PACS1: variants seen among roughly 807,000 people sequenced by gnomAD.
The protein encoded by PACS1 is PACS-1.
A neutral mutation model predicts 115.0 loss-of-function variants in PACS1; 24 were observed. The observed-to-expected ratio is 0.21, with a 90% CI of 0.15 to 0.29. PACS1 has a LOEUF of 0.29. Ranked by LOEUF, PACS1 falls within the 10% of genes least tolerant of loss-of-function variation. The pLI, the probability that PACS1 is intolerant of heterozygous loss-of-function variation, is 1.00. For synonymous variants in PACS1, 453 were observed against 504.5 expected (o/e 0.90, Z 1.37); for missense variants, 838 against 1,251.2 (o/e 0.67, Z 4.98).
chr11:66,098,716 G>A (rs537497), intron 1 of PACS1, among the ~76,000 whole-genome samples: 70,417 of 151,926 alleles, frequency 0.46, 17,914 homozygotes, highest in South Asian at 0.63. Context: ...AGCTGTCAGC[G>A]TCTCTTCACA....
intron 1 of PACS1, among the ~76,000 whole-genome samples, chr11:66,081,621 C>T (rs1260637126): frequency 2.0e-5 from 3 of 152,144 alleles, no homozygotes; most frequent in Admixed American, 2.0e-4. Context: ...GTGGCTGGGT[C>T]GGGATCCTGT....
chr11:66,118,635 A>T (rs148073541), intron 1 of PACS1, among the ~76,000 whole-genome samples: 19 of 151,172 alleles, frequency 1.3e-4, no homozygotes, highest in African/African-American at 4.6e-4. Context: ...AATAAAAAGG[A>T]TATTTTCTAG....
At chr11:66,238,171 C>T (rs758958255) in intron 19 of PACS1, 48 of 985,248 alleles carry the variant, frequency 4.9e-5, no homozygotes, top group Admixed American at 1.2e-4. Context: ...AGAACCCCCC[C>T]ACCCCCATTC....
At position 66,129,431 on chromosome 11, in the gene PACS1, CA is replaced by C. The variant is rs71455706; in HGVS notation, c.356+58601del. ...TGGGTGACAGAGCAAGACTCCATAT[CA>C]AAAAAAAAAAAGGGTTTAAAAAATA... On this transcript the variant is annotated intron_variant, in intron 1 of 23. Transcript: ENST00000320580. Among the ~76,000 whole-genome samples, 680 of 114,404 alleles carry C rather than the reference CA, an allele frequency of 5.9e-3. 3 individuals carry two copies. Among genetic ancestry groups the C allele is most frequent in the African/African-American group, 0.015 (458 of 31,008 alleles). The allele number at this position is 114,404 out of a possible 152,430, so 75.1% of individuals were successfully genotyped here.
At chr11:66,195,079 C>G (rs2134676099) in intron 2 of PACS1, among the ~76,000 whole-genome samples, 1 of 152,150 alleles carries the variant, frequency 6.6e-6, no homozygotes. Context: ...CAAAAATTAG[C>G]CAGGCGTGCA....
intron 2 of PACS1, among the ~76,000 whole-genome samples, chr11:66,209,267 C>T (rs781072273): frequency 3.3e-5 from 5 of 151,590 alleles, no homozygotes; most frequent in Admixed American, 6.6e-5. Flanking sequence ...GACAGTATGC[C>T]TGGGGAGTCA....
At chr11:66,173,840 G>A (rs1175032464) in intron 1 of PACS1, among the ~76,000 whole-genome samples, 3 of 151,800 alleles carry the variant, frequency 2.0e-5, no homozygotes, top group Non-Finnish European at 4.4e-5. Flanking sequence ...AACACCTAAG[G>A]TCAGGAGTTC....
At position 66,238,365 on chromosome 11, in the gene PACS1, A is replaced by T. The variant is rs548905520; in HGVS notation, c.2251-439A>T. On this transcript the variant is annotated intron_variant, in intron 19 of 23. Coordinates refer to ENST00000320580, the MANE Select transcript of PACS1 (RefSeq NM_018026.4). ...CAGTGATTCCTGCCTTCAGCCCTTT[A>T]TCCCCAGAGAAGAGCTGCAAAGTCT... The T allele has an allele frequency of 4.7e-5, 46 of 983,558 alleles. No individual in the cohort carries two copies. The Middle Eastern group carries it at 2.1e-3, about 45-fold the overall frequency. 60.9% of individuals were successfully genotyped at this position (983,558 alleles called of 1,614,324 possible).
At chr11:66,073,626 T>C (rs1857348191) in intron 1 of PACS1, among the ~76,000 whole-genome samples, 1 of 152,250 alleles carries the variant, frequency 6.6e-6, no homozygotes, top group South Asian at 2.1e-4. Context: ...TGTCTGCTCT[T>C]ATTTAACATC....
At chr11:66,132,286 G>T (rs60415438) in intron 1 of PACS1, among the ~76,000 whole-genome samples, 1 of 152,124 alleles carries the variant, frequency 6.6e-6, no homozygotes, top group Admixed American at 6.6e-5. Context: ...ATGTGAGACA[G>T]TCCATGCTTG....
Position 66,238,784 on chromosome 11 carries a change from T to G in PACS1, c.2251-20T>G. The G allele has an allele frequency of 6.3e-7, 1 of 1,579,372 alleles. No individual in the cohort carries two copies. The highest frequency in any genetic ancestry group is 2.3e-5 in the East Asian group (1 of 43,784). ...TGCTTTAACAGGAGGATCTAATGAG[T>G]GCCTCTTCTCTCCTTGCAGGTGGTG... On this transcript the variant is annotated intron_variant, in intron 19 of 23. Coordinates refer to ENST00000320580, the MANE Select transcript of PACS1 (RefSeq NM_018026.4).
intron 1 of PACS1, among the ~76,000 whole-genome samples, chr11:66,150,040 C>G (rs995469518): frequency 1.3e-5 from 2 of 152,150 alleles, no homozygotes; most frequent in Admixed American, 6.5e-5. Flanking sequence ...TGAGCCACCA[C>G]GCTCGGCCAA....
Position 66,215,941 on chromosome 11 carries a change from TAATAATAATAAAC to T in PACS1, c.661-175_661-163del, listed in dbSNP as rs1390030298. ...ATAATAATAATAATAATAATAATAA[TAATAATAATAAAC>T]AAAGTAAGACCGTGAAGCAGTAGGA... On this transcript the variant is annotated intron_variant, in intron 4 of 23. Transcript: ENST00000320580. Among the ~76,000 whole-genome samples, 1,533 of 147,146 alleles carry T rather than the reference TAATAATAATAAAC, an allele frequency of 0.01. 28 individuals carry two copies. The highest frequency in any genetic ancestry group is 0.035 in the African/African-American group (1,428 of 40,436).
At chr11:66,227,428 T>A in intron 10 of PACS1, 76 bp from the exon 11 acceptor site, 3 of 826,764 alleles carry the variant, frequency 3.6e-6, no homozygotes, top group Non-Finnish European at 6.1e-6. Flanking sequence ...ATTTTAAGCT[T>A]CATAGGGACC....
chr11:66,192,590 T>C (rs555360), intron 1 of PACS1, among the ~76,000 whole-genome samples: 80,133 of 152,078 alleles, frequency 0.53, 21,360 homozygotes, highest in East Asian at 0.75. Flanking sequence ...AAAAAAGAGG[T>C]ATGAAATCCA....
At position 66,070,932 on chromosome 11, in the gene PACS1, G is replaced by C. The variant is rs1590723484; in HGVS notation, c.356+90G>C. 3.3e-6 allele frequency: 4 copies of C among 1,227,640 alleles called. No individual in the cohort carries two copies. Among genetic ancestry groups the C allele is most frequent in the South Asian group, 1.9e-5 (1 of 51,682 alleles). The allele number at this position is 1,227,640 out of a possible 1,614,324, so 76.0% of individuals were successfully genotyped here. A position where few individuals can be genotyped will look rare whatever the true frequency, so the allele number is the denominator to read the frequency against. Reference sequence around the variant, plus strand: ...CCGCCCCAGCGCCCATGGGGTCCCCGCCCTCCATCTCCCCGACTGTCCCGC... The same window carrying C: ...CCGCCCCAGCGCCCATGGGGTCCCCCCCCTCCATCTCCCCGACTGTCCCGC... On this transcript the variant is annotated intron_variant, in intron 1 of 23. Coordinates refer to ENST00000320580, the MANE Select transcript of PACS1 (RefSeq NM_018026.4). This position sits in a 1 kb window ranked among gnomAD's most constrained non-coding sequence, Gnocchi z 5.9.
intron 10 of PACS1, among the ~76,000 whole-genome samples, chr11:66,222,405 C>A (rs559718282): frequency 6.6e-6 from 1 of 152,168 alleles, no homozygotes; most frequent in African/African-American, 2.4e-5. Flanking sequence ...GCCGGAGCCA[C>A]GACCTGGGCC....
At chr11:66,105,824 A>G (rs1222099592) in intron 1 of PACS1, among the ~76,000 whole-genome samples, 1 of 152,242 alleles carries the variant, frequency 6.6e-6, no homozygotes, top group African/African-American at 2.4e-5. Flanking sequence ...TGAGATACAC[A>G]GCTACAGTAT....
At chr11:66,084,431 A>G (rs472518) in intron 1 of PACS1, among the ~76,000 whole-genome samples, 102,269 of 151,922 alleles carry the variant, frequency 0.67, 35,840 homozygotes, top group Non-Finnish European at 0.76. Context: ...TGAGATGGGA[A>G]GTCACTGGGG....
Sources: gnomAD v4.1 joint callset for allele counts (sites outside exome capture counted in the v4.1 genomes callset) on GRCh38, gnomAD v4.1.1 for gene constraint, Gnocchi (gnomAD v3.1) non-coding constraint, MANE v1.5 for transcripts, NCBI Gene and HGNC (gene_info 2026-07-23, HGNC 2026-07-21) for gene names.